ZNF485: variants seen among roughly 807,000 people sequenced by gnomAD.
ZNF485 encodes the protein zinc finger protein 485, also known as Zinc finger protein 93 (Zinc finger protein HTF34).
Under a neutral mutation model 10.8 loss-of-function variants are expected in ZNF485, and 9 were observed. The ratio of observed to expected loss-of-function variants is 0.83; its 90% CI spans 0.50 to 1.45. The LOEUF is 1.45. Among genes scored for constraint, ZNF485 ranks in the 40% most tolerant of loss-of-function variants. ZNF485 has a pLI of 0.00. For missense variants in ZNF485, 487 were observed against 528.0 expected (o/e 0.92, Z 0.76); for synonymous variants, 187 against 181.0 (o/e 1.03, Z -0.27).
Position 43,608,616 on chromosome 10 carries a change from A to G in ZNF485, c.27A>G (p.Gly9=). 6.2e-7 allele frequency: 1 copy of G among 1,612,884 alleles called. No homozygotes were observed. Among genetic ancestry groups the G allele is most frequent in the Non-Finnish European group, 8.5e-7 (1 of 1,179,344 alleles). ...CAGAATTGGGTTTGGTTTTGCAGGG[A>G]CCGCTGACATTTGGGGATGTGGCTG... MAPRAQIQ[G]PLTFGDVAVA... Residue 9 remains glycine (G), a splice_region_variant and synonymous_variant, in exon 3 of 5, where the codon GGA becomes GGG. Coordinates refer to ENST00000361807, the MANE Select transcript of ZNF485 (RefSeq NM_145312.4).
chr10:43,614,193 G>A lies in ZNF485; in HGVS notation c.248-2098G>A, dbSNP rs367746824. ...TTGCGCCATTGCACTCAGCCTGGGC[G>A]ACAGAGTGAGACTCCGTATCAAAAA... On this transcript the variant is annotated intron_variant, in intron 4 of 4. Transcript: ENST00000361807. Among the ~76,000 whole-genome samples, 42 of 150,602 alleles carry A rather than the reference G, an allele frequency of 2.8e-4. No homozygotes were observed. In the East Asian group the frequency reaches 8.0e-3, roughly 29 times the overall value.
Position 43,616,618 on chromosome 10 carries a change from G to T in ZNF485, c.575G>T (p.Gly192Val), listed in dbSNP as rs1838863703. The T allele has an allele frequency of 6.2e-7, 1 of 1,614,168 alleles. No homozygotes were observed. The highest frequency in any genetic ancestry group is 8.5e-7 in the Non-Finnish European group (1 of 1,180,034). Reference sequence around the variant, plus strand: ...CAGCCTTATAGATGTATTGAATGTGGGAAGTTCCTGAAGAAGCACTCAACG... The same window carrying T: ...CAGCCTTATAGATGTATTGAATGTGTGAAGTTCCTGAAGAAGCACTCAACG... ...GKQPYRCIEC[G>V]KFLKKHSTFI... The change falls in exon 5 of 5, where the codon GGG (glycine) becomes GTG (valine). Residue 192 changes from glycine to valine, a missense_variant. Transcript: ENST00000361807.
At position 43,608,681 on chromosome 10, in the gene ZNF485, C is replaced by T. The variant is rs1033248195; in HGVS notation, c.92C>T (p.Ala31Val). The change falls in exon 3 of 5, where the codon GCT (alanine) becomes GTT (valine). Residue 31 changes from alanine (A) to valine (V), a missense_variant. Coordinates refer to ENST00000361807, the MANE Select transcript of ZNF485 (RefSeq NM_145312.4). ...ATTGAGTGGAGACACCTGGATGCTG[C>T]TCAGCGGGCCCTGTACAGGGATGTG... ...TRIEWRHLDA[A>V]QRALYRDVML... The T allele has an allele frequency of 6.2e-7, 1 of 1,614,128 alleles. No individual in the cohort carries two copies. Among genetic ancestry groups the T allele is most frequent in the Non-Finnish European group, 8.5e-7 (1 of 1,179,994 alleles).
At chr10:43,611,969 G>T (rs985888712) in intron 4 of ZNF485, among the ~76,000 whole-genome samples, 1 of 152,150 alleles carries the variant, frequency 6.6e-6, no homozygotes, top group Non-Finnish European at 1.5e-5. Flanking sequence ...AGGTAATGAT[G>T]GATATGCTTG....
At chr10:43,613,578 G>T (rs1047414779) in intron 4 of ZNF485, among the ~76,000 whole-genome samples, 10 of 152,214 alleles carry the variant, frequency 6.6e-5, no homozygotes, top group Admixed American at 6.5e-4. Context: ...GTGACTCATT[G>T]TGTGACTCTA....
At chr10:43,609,519 T>G (rs1838727074) in intron 4 of ZNF485, among the ~76,000 whole-genome samples, 169 bp downstream of exon 4, 1 of 152,232 alleles carries the variant, frequency 6.6e-6, no homozygotes, top group East Asian at 1.9e-4. Flanking sequence ...CCAGTCTTTC[T>G]GCACTTGGGA....
intron 1 of ZNF485, among the ~76,000 whole-genome samples, 163 bp from the exon 2 acceptor site, chr10:43,606,834 G>A (rs1838656754): frequency 6.6e-6 from 1 of 152,222 alleles, no homozygotes; most frequent in Non-Finnish European, 1.5e-5. Flanking sequence ...GTCCAGGCCG[G>A]ATCCCAGCAG....
At position 43,608,863 on chromosome 10, in the gene ZNF485, A is replaced by G. The variant is rs563680521; in HGVS notation, c.151+123A>G. The G allele has an allele frequency of 2.0e-3, 2,679 of 1,350,046 alleles. 6 individuals carry two copies. The highest frequency in any genetic ancestry group is 2.5e-3 in the Admixed American group (106 of 42,614). The allele number at this position is 1,350,046 out of a possible 1,614,324, so 83.6% of individuals were successfully genotyped here. On this transcript the variant is annotated intron_variant, in intron 3 of 4. Coordinates refer to ENST00000361807, the MANE Select transcript of ZNF485 (RefSeq NM_145312.4). ...ATGTGCTTTTTGTTTTGTTTTTCTT[A>G]AGTATGGGCTTAGAGGCTGGAGTTT...
rs772821590 is a variant in ZNF485 at position 43,607,045 on chromosome 10, A to G, written c.-6A>G. On this transcript the variant is annotated 5_prime_UTR_variant, in exon 2 of 5. Transcript: ENST00000361807. ...CCCTTGCCTGGGAGAACAGTTCAGG[A>G]GACAGATGGCCCCAAGAGCCCAGAT... 6.4e-7 allele frequency: 1 copy of G among 1,551,774 alleles called. No individual in the cohort carries two copies. The highest frequency in any genetic ancestry group is 1.2e-5 in the South Asian group (1 of 84,050).
In ZNF485 at chr10:43,607,075, G is replaced by A; in HGVS notation, c.24+1G>A. 6.4e-7 allele frequency: 1 copy of A among 1,551,608 alleles called. No individual in the cohort carries two copies. Among genetic ancestry groups the A allele is most frequent in the East Asian group, 2.4e-5 (1 of 40,912 alleles). On this transcript the variant is annotated splice_donor_variant, in intron 2 of 4. Transcript: ENST00000361807. LOFTEE classifies it high-confidence loss of function. ...GATGGCCCCAAGAGCCCAGATCCAG[G>A]CAAGTTTGATTTTTCCATTTCTTGA...
At chr10:43,607,184 C>T (rs1348135417) in intron 2 of ZNF485, 110 bp downstream of exon 2, 1 of 1,344,204 alleles carries the variant, frequency 7.4e-7, no homozygotes, top group East Asian at 2.5e-5. Context: ...GCTACCCGAA[C>T]CAATCCTGGA....
chr10:43,606,535 C>T lies in ZNF485; in HGVS notation c.-66C>T, dbSNP rs1369243610. 1 of 314,388 alleles carries T rather than the reference C, an allele frequency of 3.2e-6. No homozygotes were observed. The highest frequency in any genetic ancestry group is 8.6e-5 in the East Asian group (1 of 11,642). 19.5% of individuals were successfully genotyped at this position (314,388 alleles called of 1,614,324 possible). ...TGGGCGTGCAGCTCCGCAGCCCTGC[C>T]GGCTCGGTTCGGTTCGTGAGCGGCC... On this transcript the variant is annotated 5_prime_UTR_variant, in exon 1 of 5. Transcript: ENST00000361807.
chr10:43,609,977 C>T (rs908650882), intron 4 of ZNF485, among the ~76,000 whole-genome samples: 22 of 152,214 alleles, frequency 1.4e-4, no homozygotes, highest in African/African-American at 4.3e-4. Context: ...TGAGCCACCA[C>T]GTCTGGCCCA....
chr10:43,608,694 G>T lies in ZNF485; in HGVS notation c.105G>T (p.Leu35=), dbSNP rs769042649. The change falls in exon 3 of 5, where the codon CTG becomes CTT. Residue 35 remains leucine, a synonymous_variant. Coordinates refer to ENST00000361807, the MANE Select transcript of ZNF485 (RefSeq NM_145312.4). The part of the protein sequence containing the change: ...WRHLDAAQRA[L]YRDVMLENYG... The stretch of plus-strand genomic sequence containing the variant: ...ACCTGGATGCTGCTCAGCGGGCCCT[G>T]TACAGGGATGTGATGCTGGAGAACT... 1 of 1,614,182 alleles carries T rather than the reference G, an allele frequency of 6.2e-7. No individual in the cohort carries two copies. The highest frequency in any genetic ancestry group is 1.3e-5 in the African/African-American group (1 of 75,040).
At chr10:43,612,306 T>G (rs1455307445) in intron 4 of ZNF485, among the ~76,000 whole-genome samples, 1 of 152,222 alleles carries the variant, frequency 6.6e-6, no homozygotes, top group Non-Finnish European at 1.5e-5. Context: ...GATACTTAAA[T>G]GTATTTACGT....
rs1838851972 is a variant in ZNF485 at position 43,616,184 on chromosome 10, C to T, written c.248-107C>T. 1.7e-5 allele frequency: 15 copies of T among 904,378 alleles called. 1 individual carries two copies. The highest frequency in any genetic ancestry group is 1.9e-5 in the Non-Finnish European group (12 of 617,438). The allele number at this position is 904,378 out of a possible 1,614,324, so 56.0% of individuals were successfully genotyped here. ...CAAGTGGGACACATTAATAATTTTTCATAACCTTTAGTTATGTAGAATAGA... is the reference window on the plus strand; with the variant it reads ...CAAGTGGGACACATTAATAATTTTTTATAACCTTTAGTTATGTAGAATAGA... On this transcript the variant is annotated intron_variant, in intron 4 of 4. Coordinates refer to ENST00000361807, the MANE Select transcript of ZNF485 (RefSeq NM_145312.4).
intron 2 of ZNF485, among the ~76,000 whole-genome samples, chr10:43,608,058 A>T (rs1409515815): frequency 2.0e-5 from 3 of 151,966 alleles, no homozygotes; most frequent in Non-Finnish European, 4.4e-5. Flanking sequence ...TTTCTTTTTT[A>T]AAAATATTCT....
At chr10:43,606,865 C>A in intron 1 of ZNF485, 132 bp from the exon 2 acceptor site, 1 of 649,662 alleles carries the variant, frequency 1.5e-6, no homozygotes, top group Non-Finnish European at 2.7e-6. Context: ...TCCTTTCTTC[C>A]CGAGCGTACC....
intron 4 of ZNF485, among the ~76,000 whole-genome samples, chr10:43,612,740 TTCC>T (rs1389034149): frequency 6.6e-6 from 1 of 152,172 alleles, no homozygotes; most frequent in Non-Finnish European, 1.5e-5. Context: ...TTCCTATATT[TTCC>T]TATTTCCCCT....
Sources: allele counts gnomAD v4.1 joint callset (sites outside exome capture counted in the v4.1 genomes callset), GRCh38; gene constraint gnomAD v4.1.1; transcripts MANE v1.5; gene names NCBI Gene and HGNC (gene_info 2026-07-23, HGNC 2026-07-21).